Variants in PAQR4 observed in about 807,000 individuals in gnomAD.
The protein encoded by PAQR4 is progestin and adipoQ receptor family member 4.
Under a neutral mutation model 20.9 loss-of-function variants are expected in PAQR4, and 26 were observed. The ratio of observed to expected loss-of-function variants is 1.24; its 90% confidence interval spans 0.91 to 1.73. The LOEUF (loss-of-function observed/expected upper bound fraction) is 1.73. Ranked by LOEUF, PAQR4 falls within the 40% of genes most tolerant of loss-of-function variation. The pLI is 0.00. For synonymous variants in PAQR4, 193 were observed against 171.6 expected (o/e 1.12, Z -0.97); for missense variants, 400 against 380.1 (o/e 1.05, Z -0.44).
rs1271392479 is a variant in PAQR4 at position 2,973,281 on chromosome 16, T to C, written c.*1333T>C. 2.0e-6 allele frequency: 3 copies of C among 1,497,628 alleles called. No individual in the cohort carries two copies. The highest frequency in any genetic ancestry group is 2.5e-5 in the East Asian group (1 of 40,528). The allele number at this position is 1,497,628 out of a possible 1,614,324, so 92.8% of individuals were successfully genotyped here. ...AGGGAGTGCCGGATGAAACCAGCTCTGTCCCTGTGCAGGCTCCAGGCTCCC... is the reference window on the plus strand; with the variant it reads ...AGGGAGTGCCGGATGAAACCAGCTCCGTCCCTGTGCAGGCTCCAGGCTCCC... On this transcript the variant is annotated 3_prime_UTR_variant, in exon 3 of 3. Transcript: ENST00000318782.
rs1403817518 is a variant in PAQR4 at position 2,972,338 on chromosome 16, C to T, written c.*390C>T. 2 of 525,924 alleles carry T rather than the reference C, an allele frequency of 3.8e-6. No individual in the cohort carries two copies. Among genetic ancestry groups the T allele is most frequent in the Non-Finnish European group, 6.8e-6 (2 of 295,096 alleles). 32.6% of individuals were successfully genotyped at this position (525,924 alleles called of 1,614,324 possible). ...ACCCTATCCTGTTCCTCCCACCAGG[C>T]CTGTGGCCAGTCTTCCTGATCTCCA... is the stretch of plus-strand genomic sequence containing the variant. On this transcript the variant is annotated 3_prime_UTR_variant, in exon 3 of 3. Coordinates refer to ENST00000318782, the MANE Select transcript of PAQR4 (RefSeq NM_152341.5).
chr16:2,971,976 C>T lies in PAQR4; in HGVS notation c.*28C>T, dbSNP rs2072009166. The T allele has an allele frequency of 2.0e-6, 3 of 1,533,740 alleles. No individual in the cohort carries two copies. Among genetic ancestry groups the T allele is most frequent in the Non-Finnish European group, 1.7e-6 (2 of 1,145,108 alleles). ...TGCCATGCCAGCCTGCCCACAGCAG[C>T]CTCCTAGAGTTAGCAACACCAGGTG... On this transcript the variant is annotated 3_prime_UTR_variant, in exon 3 of 3. Coordinates refer to ENST00000318782, the MANE Select transcript of PAQR4 (RefSeq NM_152341.5).
chr16:2,969,725 G>A lies in PAQR4; in HGVS notation c.51G>A (p.Pro17=), dbSNP rs751216827. ...PRLLDWASSP[P]HLQFNKFVLT... The stretch of plus-strand genomic sequence containing the variant: ...TGCTGGACTGGGCCAGCTCGCCGCC[G>A]CACCTGCAGTTCAATAAGTTCGTGC... The change falls in exon 1 of 3, where the codon CCG becomes CCA. Residue 17 remains proline (P), a synonymous_variant. Coordinates refer to ENST00000318782, the MANE Select transcript of PAQR4 (RefSeq NM_152341.5). The A allele has an allele frequency of 6.2e-6, 10 of 1,606,644 alleles. No homozygotes were observed. The African/African-American group carries it at 1.3e-4, about 22-fold the overall frequency.
chr16:2,971,419 G>A (rs777244388), intron 2 of PAQR4, 41 bp downstream of exon 2: 56 of 1,592,858 alleles, frequency 3.5e-5, no homozygotes, highest in Middle Eastern at 3.3e-4. Flanking sequence ...AGCCACCGGC[G>A]GGAGAGGCAT....
At position 2,972,458 on chromosome 16, in the gene PAQR4, A is replaced by G; in HGVS notation, c.*510A>G. The G allele has an allele frequency of 1.4e-6, 1 of 691,746 alleles. No individual in the cohort carries two copies. The highest frequency in any genetic ancestry group is 2.8e-5 in the East Asian group (1 of 36,116). 42.9% of individuals were successfully genotyped at this position (691,746 alleles called of 1,614,324 possible). On this transcript the variant is annotated 3_prime_UTR_variant, in exon 3 of 3. Coordinates refer to ENST00000318782, the MANE Select transcript of PAQR4 (RefSeq NM_152341.5). ...GACTATGGAGTAAGGCATTCAGGAC[A>G]AAAGGACCAAGGGGGCGTGGACCCG...
rs1384373339 is a variant in PAQR4 at position 2,973,381 on chromosome 16, G to GA, written c.*1433_*1434insA. The GA allele has an allele frequency of 2.6e-6, 4 of 1,539,410 alleles. No individual in the cohort carries two copies. The African/African-American group carries it at 5.5e-5, about 21-fold the overall frequency. ...GCACTCTGAAAGCAGCACTTGGACA[G>GA]CCTTCAAAGTCCTTCCATCTGGCTG... On this transcript the variant is annotated 3_prime_UTR_variant, in exon 3 of 3. Transcript: ENST00000318782.
chr16:2,970,859 C>G (rs12934782), intron 1 of PAQR4: 191,755 of 563,876 alleles, frequency 0.34, 35,284 homozygotes, highest in Non-Finnish European at 0.4. Context: ...TAGGCCTGTC[C>G]TCTGCCATTG....
At chr16:2,970,589 A>G (rs1463319119) in intron 1 of PAQR4, among the ~76,000 whole-genome samples, 1 of 152,120 alleles carries the variant, frequency 6.6e-6, no homozygotes, top group African/African-American at 2.4e-5. Context: ...AAGCCCCTCG[A>G]AGCCCCCTTC....
Position 2,969,729 on chromosome 16 carries a change from C to T in PAQR4, c.55C>T (p.Leu19=). The part of the protein sequence containing the change: ...LLDWASSPPH[L]QFNKFVLTGY... ...GGACTGGGCCAGCTCGCCGCCGCACCTGCAGTTCAATAAGTTCGTGCTGAC... is the reference window on the plus strand; with the variant it reads ...GGACTGGGCCAGCTCGCCGCCGCACTTGCAGTTCAATAAGTTCGTGCTGAC... The change falls in exon 1 of 3, where the codon CTG becomes TTG. Residue 19 remains leucine, a synonymous_variant. Coordinates refer to ENST00000318782, the MANE Select transcript of PAQR4 (RefSeq NM_152341.5). 3.1e-6 allele frequency: 5 copies of T among 1,608,506 alleles called. No individual in the cohort carries two copies. Among genetic ancestry groups the T allele is most frequent in the East Asian group, 2.2e-5 (1 of 44,474 alleles).
Position 2,971,947 on chromosome 16 carries a change from G to C in PAQR4, c.821G>C (p.Ter274SerextTer96). Residue 274 changes from the stop codon to serine, a stop_lost, in exon 3 of 3, where the codon TGA becomes TCA. Transcript: ENST00000318782. ...WAAHHACPRD* is the reference protein window; with the variant it reads ...WAAHHACPRDS The stretch of plus-strand genomic sequence containing the variant: ...GCCCACCACGCCTGTCCCCGGGACT[G>C]AGCTGCCATGCCAGCCTGCCCACAG... The C allele has an allele frequency of 6.3e-7, 1 of 1,577,712 alleles. No individual in the cohort carries two copies.
chr16:2,972,553 A>G lies in PAQR4; in HGVS notation c.*605A>G. 2 of 1,445,344 alleles carry G rather than the reference A, an allele frequency of 1.4e-6. No homozygotes were observed. Among genetic ancestry groups the G allele is most frequent in the Non-Finnish European group, 1.8e-6 (2 of 1,081,326 alleles). The allele number at this position is 1,445,344 out of a possible 1,614,324, so 89.5% of individuals were successfully genotyped here. A position where few individuals can be genotyped will look rare whatever the true frequency, so the allele number is the denominator to read the frequency against. ...TCCAGGAAACTGACACAGGGAGCTCAGCGGCCTCAGATCCTGGGACCCCTG... is the reference window on the plus strand; with the variant it reads ...TCCAGGAAACTGACACAGGGAGCTCGGCGGCCTCAGATCCTGGGACCCCTG... On this transcript the variant is annotated 3_prime_UTR_variant, in exon 3 of 3. Transcript: ENST00000318782.
rs1443746773 is a variant in PAQR4, at chr16:2,972,946, CTG to C, written c.*999_*1000del. 1 of 1,598,870 alleles carries C rather than the reference CTG, an allele frequency of 6.3e-7. No individual in the cohort carries two copies. Among genetic ancestry groups the C allele is most frequent in the Admixed American group, 1.7e-5 (1 of 57,338 alleles). ...AAGGTTAAAAGTGCAGAGGCAGAGT[CTG>C]GGGCTCAGGTTGGGTCTAGGGTGTC... On this transcript the variant is annotated 3_prime_UTR_variant, in exon 3 of 3. Coordinates refer to ENST00000318782, the MANE Select transcript of PAQR4 (RefSeq NM_152341.5).
At position 2,971,755 on chromosome 16, in the gene PAQR4, A is replaced by G. The variant is rs2072000389; in HGVS notation, c.629A>G (p.Asp210Gly). The part of the protein sequence containing the change: ...PGSLPCYLRM[D>G]ALALLGGLVN... ...TCCCTGCCCTGCTACCTGCGCATGG[A>G]CGCACTGGCGCTGCTTGGGGGACTG... Residue 210 changes from aspartate to glycine, a missense_variant, in exon 3 of 3, where the codon GAC (aspartate) becomes GGC (glycine). Physicochemically the swap from Asp to Gly is moderately conservative, Grantham distance 94. Coordinates refer to ENST00000318782, the MANE Select transcript of PAQR4 (RefSeq NM_152341.5). 1 of 1,612,924 alleles carries G rather than the reference A, an allele frequency of 6.2e-7. No homozygotes were observed. The highest frequency in any genetic ancestry group is 8.5e-7 in the Non-Finnish European group (1 of 1,179,868).
In PAQR4 at chr16:2,969,588, G is replaced by C. The variant is rs1234343411; in HGVS notation, c.-87G>C. ...GTGGGCGCCGGGCGCCGGGCGCCAG[G>C]CAGTGATGGGCCTTCCCGCGCTGCG... is the stretch of plus-strand genomic sequence containing the variant. On this transcript the variant is annotated 5_prime_UTR_variant, in exon 1 of 3. Coordinates refer to ENST00000318782, the MANE Select transcript of PAQR4 (RefSeq NM_152341.5). 7 of 1,336,810 alleles carry C rather than the reference G, an allele frequency of 5.2e-6. No homozygotes were observed. The highest frequency in any genetic ancestry group is 6.7e-6 in the Non-Finnish European group (7 of 1,044,080). The allele number at this position is 1,336,810 out of a possible 1,614,324, so 82.8% of individuals were successfully genotyped here.
chr16:2,972,129 C>A lies in PAQR4; in HGVS notation c.*181C>A. The A allele has an allele frequency of 3.2e-6, 2 of 619,624 alleles. No individual in the cohort carries two copies. Among genetic ancestry groups the A allele is most frequent in the Non-Finnish European group, 5.4e-6 (2 of 368,940 alleles). 38.4% of individuals were successfully genotyped at this position (619,624 alleles called of 1,614,324 possible). A position where few individuals can be genotyped will look rare whatever the true frequency, so the allele number is the denominator to read the frequency against. ...CTCTTCCACCCACGCCGTGGCGCTC[C>A]AACTTCCTTCCCTGCCTTTTCCCTC... On this transcript the variant is annotated 3_prime_UTR_variant, in exon 3 of 3. Coordinates refer to ENST00000318782, the MANE Select transcript of PAQR4 (RefSeq NM_152341.5).
rs558828016 is a variant in PAQR4 at position 2,971,426 on chromosome 16, G to A, written c.388+48G>A. The A allele has an allele frequency of 7.5e-6, 12 of 1,589,784 alleles. No homozygotes were observed. In the Admixed American group the frequency reaches 1.2e-4, roughly 16 times the overall value. On this transcript the variant is annotated intron_variant, in intron 2 of 2. Transcript: ENST00000318782. Reference sequence around the variant, plus strand: ...GGAGCTGGAGCCACCGGCGGGAGAGGCATGGGGCACGCATACAAGCCATGG... The same window carrying A: ...GGAGCTGGAGCCACCGGCGGGAGAGACATGGGGCACGCATACAAGCCATGG...
rs745593058 is a variant in PAQR4, at chr16:2,971,551, G to A, written c.425G>A (p.Arg142Lys). 1.3e-6 allele frequency: 2 copies of A among 1,594,532 alleles called. No homozygotes were observed. Among genetic ancestry groups the A allele is most frequent in the African/African-American group, 2.7e-5 (2 of 74,810 alleles). The change falls in exon 3 of 3, where the codon AGG becomes AAG. Residue 142 changes from arginine to lysine, a missense_variant. Arg to Lys is a conservative substitution (Grantham distance 26, BLOSUM62 2). Transcript: ENST00000318782. ...ATCATCCACTGCACCCTGGCCTGCAGGCCCTGGCTGCGCCCGGCTGCCCTG... is the reference window on the plus strand; with the variant it reads ...ATCATCCACTGCACCCTGGCCTGCAAGCCCTGGCTGCGCCCGGCTGCCCTG... The part of the protein sequence containing the change: ...LPIIHCTLAC[R>K]PWLRPAALVG...
Position 2,972,170 on chromosome 16 carries a change from CTGTG to C in PAQR4, c.*224_*227del, listed in dbSNP as rs1309969448. The stretch of plus-strand genomic sequence containing the variant: ...CTTTTCCCTCCAAGCTCCTATTTTA[CTGTG>C]TCAGCTGGAAGGAAACCTTTCCCTC... On this transcript the variant is annotated 3_prime_UTR_variant, in exon 3 of 3. Coordinates refer to ENST00000318782, the MANE Select transcript of PAQR4 (RefSeq NM_152341.5). 1.7e-6 allele frequency: 1 copy of C among 573,806 alleles called. No homozygotes were observed. The highest frequency in any genetic ancestry group is 3.0e-6 in the Non-Finnish European group (1 of 329,878). 35.5% of individuals were successfully genotyped at this position (573,806 alleles called of 1,614,324 possible).
At position 2,973,219 on chromosome 16, in the gene PAQR4, C is replaced by T. The variant is rs758296418; in HGVS notation, c.*1271C>T. On this transcript the variant is annotated 3_prime_UTR_variant, in exon 3 of 3. Coordinates refer to ENST00000318782, the MANE Select transcript of PAQR4 (RefSeq NM_152341.5). ...AGCCTCAGGGGAGAGTGAAGGCCTG[C>T]AGGAGGGCAGGCGAGACAAGGAGGG... 2.0e-6 allele frequency: 3 copies of T among 1,493,586 alleles called. No individual in the cohort carries two copies. Among genetic ancestry groups the T allele is most frequent in the Non-Finnish European group, 2.7e-6 (3 of 1,118,184 alleles). 92.5% of individuals were successfully genotyped at this position (1,493,586 alleles called of 1,614,324 possible). A position where few individuals can be genotyped will look rare whatever the true frequency, so the allele number is the denominator to read the frequency against.
Sources: gnomAD v4.1 joint callset for allele counts (sites outside exome capture counted in the v4.1 genomes callset) on GRCh38, gnomAD v4.1.1 for gene constraint, MANE v1.5 for transcripts, NCBI Gene and HGNC (gene_info 2026-07-23, HGNC 2026-07-21) for gene names.